The following MYCT1 variants were observed in gnomAD, a reference collection of about 807,000 sequenced individuals.
MYCT1 encodes the protein myc target protein 1.
Under a neutral mutation model 15.0 loss-of-function variants are expected in MYCT1, and 12 were observed. The ratio of observed to expected loss-of-function variants is 0.80; its 90% CI spans 0.51 to 1.29. MYCT1 has a LOEUF of 1.29. Ranked by LOEUF, MYCT1 falls within the 50% of genes most tolerant of loss-of-function variation. MYCT1 has a pLI of 0.00. For synonymous variants in MYCT1, 104 were observed against 102.7 expected, an observed-to-expected ratio of 1.01 and a Z score of -0.07; for missense variants, 287 against 279.1, an observed-to-expected ratio of 1.03 and a Z score of -0.20.
At chr6:152,728,264 AGTT>A (rs1459168244), downstream of MYCT1, among the ~76,000 whole-genome samples, 1 of 152,160 alleles carries the variant, frequency 6.6e-6, no homozygotes, top group Non-Finnish European at 1.5e-5. Context: ...TACTGACTAC[AGTT>A]GGGCAGGAAG....
At chr6:152,713,121 G>T in intron 1 of MYCT1, among the ~76,000 whole-genome samples, 1 of 151,966 alleles carries the variant, frequency 6.6e-6, no homozygotes, top group South Asian at 2.1e-4. Flanking sequence ...TTTCAAATTG[G>T]ATAAGTTCTA....
At chr6:152,701,749 C>A (rs1189247086) in intron 1 of MYCT1, among the ~76,000 whole-genome samples, 2 of 152,168 alleles carry the variant, frequency 1.3e-5, no homozygotes, top group Non-Finnish European at 2.9e-5. Flanking sequence ...AAATCTGGCT[C>A]ACATGATCTG....
chr6:152,718,489 T>G (rs573264322), intron 1 of MYCT1, among the ~76,000 whole-genome samples: 1 of 152,246 alleles, frequency 6.6e-6, no homozygotes, highest in African/African-American at 2.4e-5. Flanking sequence ...CAAGCGACCC[T>G]CTCACCTCGG....
chr6:152,743,795 T>C, the MYCT1 span, among the ~76,000 whole-genome samples: 7 of 152,322 alleles, frequency 4.6e-5, no homozygotes, highest in South Asian at 2.1e-4. Flanking sequence ...TACCTTAAAT[T>C]CTTTCTAGCT....
the MYCT1 span, among the ~76,000 whole-genome samples, chr6:152,730,990 A>C: frequency 6.6e-6 from 1 of 152,208 alleles, no homozygotes; most frequent in Non-Finnish European, 1.5e-5. Context: ...AAATGGTAGA[A>C]ACAGAAAATA....
At chr6:152,744,456 T>TGAATTGAGGAGAGTTTAATAAAGAGGTA in the MYCT1 span, among the ~76,000 whole-genome samples, 3 of 151,616 alleles carry the variant, frequency 2.0e-5, no homozygotes, top group Admixed American at 2.0e-4. Flanking sequence ...TTTCCAAAGG[T>TGAATTGAGGAGAGTTTAATAAAGAGGTA]GAATTGAGGA....
intron 1 of MYCT1, among the ~76,000 whole-genome samples, chr6:152,699,567 T>C (rs902875887): frequency 3.3e-5 from 5 of 152,162 alleles, no homozygotes; most frequent in South Asian, 2.1e-4. Context: ...TCCTCACTTA[T>C]AGAGAAAATA....
At chr6:152,718,616 G>C (rs530300132) in intron 1 of MYCT1, among the ~76,000 whole-genome samples, 2 of 151,368 alleles carry the variant, frequency 1.3e-5, no homozygotes, top group African/African-American at 4.9e-5. Context: ...TTTTTTTCTC[G>C]AATCTAAAGT....
the MYCT1 span, among the ~76,000 whole-genome samples, chr6:152,739,445 T>C: frequency 6.6e-6 from 1 of 151,906 alleles, no homozygotes; most frequent in African/African-American, 2.4e-5. Flanking sequence ...GATTTTGATA[T>C]AGATTGATGT....
Position 152,722,347 on chromosome 6 carries a change from C to A in MYCT1, c.*94C>A. The stretch of plus-strand genomic sequence containing the variant: ...TAAACAGAATTTTGAGGGCATGGCC[C>A]AAATAACTCATGAGTTCCAAGTTGA... On this transcript the variant is annotated 3_prime_UTR_variant, in exon 2 of 2. Coordinates refer to ENST00000367245, the MANE Select transcript of MYCT1 (RefSeq NM_025107.3). 1.6e-6 allele frequency: 2 copies of A among 1,267,152 alleles called. No homozygotes were observed. Among genetic ancestry groups the A allele is most frequent in the East Asian group, 2.3e-5 (1 of 42,656 alleles). 78.5% of individuals were successfully genotyped at this position (1,267,152 alleles called of 1,614,324 possible). A position where few individuals can be genotyped will look rare whatever the true frequency, so the allele number is the denominator to read the frequency against.
downstream of MYCT1, among the ~76,000 whole-genome samples, chr6:152,726,579 A>G (rs547973849): frequency 1.1e-4 from 17 of 151,960 alleles, no homozygotes; most frequent in African/African-American, 3.9e-4. Context: ...AGGACTGGCA[A>G]TGCCAACTGG....
the MYCT1 span, among the ~76,000 whole-genome samples, chr6:152,743,398 G>T: frequency 2.0e-5 from 3 of 152,106 alleles, no homozygotes; most frequent in Non-Finnish European, 2.9e-5. Flanking sequence ...CACCCTAAAG[G>T]CACTGCAGCC....
intron 1 of MYCT1, among the ~76,000 whole-genome samples, chr6:152,702,782 G>T (rs1301700696): frequency 6.6e-6 from 1 of 152,144 alleles, no homozygotes; most frequent in Non-Finnish European, 1.5e-5. Context: ...TGTCTGTGTT[G>T]CATATTAATA....
chr6:152,727,956 G>T (rs909428277), downstream of MYCT1, among the ~76,000 whole-genome samples: 1 of 152,048 alleles, frequency 6.6e-6, no homozygotes, highest in Admixed American at 6.6e-5. Flanking sequence ...TTGAGGTCAG[G>T]AATTCGAGAC....
At chr6:152,703,941 T>TTTTA (rs201270439) in intron 1 of MYCT1, among the ~76,000 whole-genome samples, 59 of 11,650 alleles carry the variant, frequency 5.1e-3, no homozygotes, top group East Asian at 0.033. Context: ...TTTCCCTGTT[T>TTTTA]TTTATTTTAT....
chr6:152,720,622 TCCAGA>T (rs1175012092), intron 1 of MYCT1, among the ~76,000 whole-genome samples: 7 of 152,188 alleles, frequency 4.6e-5, no homozygotes, highest in African/African-American at 7.2e-5. Context: ...GAATGAGTTT[TCCAGA>T]CAGAAGCTTA....
At chr6:152,699,841 A>C (rs2099721025) in intron 1 of MYCT1, among the ~76,000 whole-genome samples, 1 of 152,184 alleles carries the variant, frequency 6.6e-6, no homozygotes, top group Non-Finnish European at 1.5e-5. Flanking sequence ...TGATTCTAAA[A>C]ATTTAGATAT....
At position 152,722,685 on chromosome 6, in the gene MYCT1, T is replaced by A; in HGVS notation, c.*432T>A. 3.2e-6 allele frequency: 1 copy of A among 316,554 alleles called. No homozygotes were observed. Among genetic ancestry groups the A allele is most frequent in the Non-Finnish European group, 6.2e-6 (1 of 160,716 alleles). 19.6% of individuals were successfully genotyped at this position (316,554 alleles called of 1,614,324 possible). On this transcript the variant is annotated 3_prime_UTR_variant, in exon 2 of 2. Coordinates refer to ENST00000367245, the MANE Select transcript of MYCT1 (RefSeq NM_025107.3). ...AAAATCTTCTAAGGGATTTGGATTT[T>A]ACTTTCTTTAGAATGACAAGTGAAT... is the stretch of plus-strand genomic sequence containing the variant.
At chr6:152,718,870 TAG>T (rs1247985366) in intron 1 of MYCT1, among the ~76,000 whole-genome samples, 1 of 152,180 alleles carries the variant, frequency 6.6e-6, no homozygotes, top group Non-Finnish European at 1.5e-5. Flanking sequence ...CTGAGATATT[TAG>T]AGTCTTCAGT....
Sources: gnomAD v4.1 joint callset for allele counts (sites outside exome capture counted in the v4.1 genomes callset) on GRCh38, gnomAD v4.1.1 for gene constraint, MANE v1.5 for transcripts, NCBI Gene and HGNC (gene_info 2026-07-23, HGNC 2026-07-21) for gene names.